DDR2: variants seen among roughly 807,000 people sequenced by gnomAD.
The protein encoded by DDR2 is discoidin domain receptor tyrosine kinase 2, also known as discoidin domain-containing receptor 2.
Under a neutral mutation model 94.9 loss-of-function variants are expected in DDR2, and 27 were observed. The observed-to-expected ratio is 0.28, with a 90% CI of 0.21 to 0.39. DDR2 has a LOEUF of 0.39. Ranked by LOEUF, DDR2 falls within the 10% of genes least tolerant of loss-of-function variation. DDR2 has a pLI of 1.00. For missense variants in DDR2, 783 were observed against 1,076.0 expected, an observed-to-expected ratio of 0.73 and a Z score of 3.81; for synonymous variants, 382 against 377.2, an observed-to-expected ratio of 1.01 and a Z score of -0.15.
At chr1:162,705,857 G>A (rs1660636498) in intron 2 of DDR2, among the ~76,000 whole-genome samples, 1 of 152,190 alleles carries the variant, frequency 6.6e-6, no homozygotes, top group Non-Finnish European at 1.5e-5. Flanking sequence ...GTAAATCTTA[G>A]CACACTGCCT....
chr1:162,739,657 T>A (rs1662492995), intron 3 of DDR2, among the ~76,000 whole-genome samples: 1 of 152,196 alleles, frequency 6.6e-6, no homozygotes, highest in Non-Finnish European at 1.5e-5. Context: ...GCTGATTTAA[T>A]GTCTTTGCTA....
intron 2 of DDR2, among the ~76,000 whole-genome samples, chr1:162,701,466 C>A (rs1022810196): frequency 1.3e-5 from 2 of 152,224 alleles, no homozygotes; most frequent in African/African-American, 4.8e-5. Context: ...AAGGCTTTGA[C>A]TCTGTATCAG....
chr1:162,711,106 T>C (rs2102014170), intron 2 of DDR2, among the ~76,000 whole-genome samples: 1 of 152,350 alleles, frequency 6.6e-6, no homozygotes, highest in South Asian at 2.1e-4. Flanking sequence ...AATGGCTGTC[T>C]ACCAAATCAG....
chr1:162,711,867 C>T (rs1660932812), intron 2 of DDR2, among the ~76,000 whole-genome samples: 1 of 151,366 alleles, frequency 6.6e-6, no homozygotes, highest in Non-Finnish European at 1.5e-5. Context: ...TATAATCTAT[C>T]ATGTGTATTT....
At chr1:162,741,519 G>A (rs1329106593) in intron 3 of DDR2, 1 of 903,876 alleles carries the variant, frequency 1.1e-6, no homozygotes, top group East Asian at 1.2e-4. Flanking sequence ...TATTGCAAGG[G>A]TAAAGCAAAG....
chr1:162,737,205 T>C (rs1250980409), intron 3 of DDR2, among the ~76,000 whole-genome samples: 2 of 150,926 alleles, frequency 1.3e-5, no homozygotes, highest in Non-Finnish European at 3.0e-5. Flanking sequence ...ATGTGCACAT[T>C]GTGCAGGTTA....
At chr1:162,754,970 C>T (rs1663387255) in intron 5 of DDR2, 115 bp downstream of exon 5, 1 of 1,448,456 alleles carries the variant, frequency 6.9e-7, no homozygotes, top group Non-Finnish European at 9.6e-7. Flanking sequence ...ACCAGGCATG[C>T]CCTTGTAAAT....
At chr1:162,681,649 T>C (rs1456216487) in intron 2 of DDR2, among the ~76,000 whole-genome samples, 1 of 152,202 alleles carries the variant, frequency 6.6e-6, no homozygotes. Context: ...AACTGTTTTC[T>C]TGCTGTGTTG....
chr1:162,748,907 TG>T (rs1269974938), intron 3 of DDR2, among the ~76,000 whole-genome samples: 1 of 152,124 alleles, frequency 6.6e-6, no homozygotes, highest in Admixed American at 6.5e-5. Context: ...GAATGACTAC[TG>T]GGTACATAAT....
At chr1:162,760,736 G>A (rs1050317217) in intron 8 of DDR2, among the ~76,000 whole-genome samples, 1 of 151,788 alleles carries the variant, frequency 6.6e-6, no homozygotes, top group African/African-American at 2.4e-5. Context: ...TTACCTGTAT[G>A]CACTGTCTGC....
intron 1 of DDR2, among the ~76,000 whole-genome samples, chr1:162,647,177 G>C (rs1292314573): frequency 6.6e-6 from 1 of 152,172 alleles, no homozygotes; most frequent in Non-Finnish European, 1.5e-5. Context: ...GTGGTAGAAA[G>C]TACAAATCTA....
At chr1:162,742,310 A>C (rs2102090179) in intron 3 of DDR2, among the ~76,000 whole-genome samples, 1 of 152,308 alleles carries the variant, frequency 6.6e-6, no homozygotes, top group East Asian at 1.9e-4. Context: ...TTATAAGAAA[A>C]GAGGCTTAAT....
chr1:162,728,072 A>C (rs1661800706), intron 3 of DDR2, among the ~76,000 whole-genome samples: 1 of 143,600 alleles, frequency 7.0e-6, no homozygotes, highest in Non-Finnish European at 1.5e-5. Flanking sequence ...CACACTATAT[A>C]TATCTATATA....
intron 2 of DDR2, among the ~76,000 whole-genome samples, chr1:162,695,046 A>C (rs1161412111): frequency 6.6e-6 from 1 of 152,152 alleles, no homozygotes; most frequent in Non-Finnish European, 1.5e-5. Context: ...CATTACTGTG[A>C]CTTAGTTCTA....
At chr1:162,635,546 A>G (rs150795642) in intron 1 of DDR2, among the ~76,000 whole-genome samples, 8 of 152,332 alleles carry the variant, frequency 5.3e-5, no homozygotes, top group African/African-American at 1.9e-4. Context: ...CCTGTCCGCA[A>G]CACAGACACA....
chr1:162,665,616 C>A (rs574750951), intron 2 of DDR2, among the ~76,000 whole-genome samples: 6 of 150,604 alleles, frequency 4.0e-5, no homozygotes, highest in African/African-American at 1.5e-4. Context: ...AAAACTATGG[C>A]ACATGTCAAT....
At chr1:162,780,080 T>C in intron 17 of DDR2, 32 bp from the exon 18 acceptor site, 1 of 1,613,488 alleles carries the variant, frequency 6.2e-7, no homozygotes, top group Non-Finnish European at 8.5e-7. Context: ...TCTCTCTCTC[T>C]CTTTTGTTTT....
At chr1:162,685,839 T>C (rs1261757365) in intron 2 of DDR2, among the ~76,000 whole-genome samples, 1 of 152,152 alleles carries the variant, frequency 6.6e-6, no homozygotes, top group African/African-American at 2.4e-5. Flanking sequence ...ATAAGGAAAC[T>C]GAAGCAGACA....
At chr1:162,641,553 G>C (rs1258318543) in intron 1 of DDR2, among the ~76,000 whole-genome samples, 2 of 152,212 alleles carry the variant, frequency 1.3e-5, no homozygotes, top group African/African-American at 2.4e-5. Context: ...ACCCATAAGT[G>C]AGTACTTACT....
Sources: allele counts gnomAD v4.1 joint callset (sites outside exome capture counted in the v4.1 genomes callset), GRCh38; gene constraint gnomAD v4.1.1; transcripts MANE v1.5; gene names NCBI Gene and HGNC (gene_info 2026-07-23, HGNC 2026-07-21).